Variants in MAPK6 observed in about 807,000 individuals in gnomAD.
MAPK6 encodes ERK-3.
MAPK6 carries 19 observed loss-of-function variants against 59.3 expected under a neutral mutation model. That is an observed-to-expected ratio of 0.32 (90% CI 0.22 to 0.47). The LOEUF (loss-of-function observed/expected upper bound fraction) is 0.47, where lower values mean the gene tolerates loss of function less well. MAPK6 is among the 20% of genes least tolerant of loss of function. The pLI is 1.00. For missense variants in MAPK6, 724 were observed against 847.9 expected, an observed-to-expected ratio of 0.85 and a Z score of 1.81; for synonymous variants, 316 against 290.3, an observed-to-expected ratio of 1.09 and a Z score of -0.90.
At chr15:51,975,269 G>A (rs1303393098) in intron 1 of MAPK6, among the ~76,000 whole-genome samples, 3 of 151,692 alleles carry the variant, frequency 2.0e-5, no homozygotes, top group Non-Finnish European at 4.4e-5. Context: ...CAGGCCGGGC[G>A]CGGTGGCTCA....
intron 2 of MAPK6, among the ~76,000 whole-genome samples, chr15:51,992,877 C>G (rs2057214130): frequency 6.6e-6 from 1 of 152,102 alleles, no homozygotes; most frequent in African/African-American, 2.4e-5. Context: ...CATGCCGCCT[C>G]TGGGAGCACC....
chr15:52,064,430 A>T lies in MAPK6; in HGVS notation c.1596A>T (p.Ala532=). The T allele has an allele frequency of 1.2e-6, 2 of 1,611,794 alleles. No individual in the cohort carries two copies. Among genetic ancestry groups the T allele is most frequent in the South Asian group, 2.2e-5 (2 of 90,966 alleles). Residue 532 remains alanine (A), a synonymous_variant, in exon 6 of 6, where the codon GCA becomes GCT. Transcript: ENST00000261845. ...NQGFDFDSFI[A]GTIQLSSQHE... is the part of the protein sequence containing the mutation. ...GATTTGATTTTGATTCCTTTATTGC[A>T]GGAACTATTCAGCTTAGTTCCCAGC...
chr15:51,981,728 C>T (rs1342482337), intron 1 of MAPK6, among the ~76,000 whole-genome samples: 3 of 151,982 alleles, frequency 2.0e-5, no homozygotes, highest in African/African-American at 2.4e-5. Context: ...ATGAGGTCAG[C>T]GTACTCAACA....
intron 1 of MAPK6, among the ~76,000 whole-genome samples, chr15:51,978,483 G>A (rs12592087): frequency 6.6e-6 from 1 of 151,786 alleles, no homozygotes; most frequent in Non-Finnish European, 1.5e-5. Flanking sequence ...CCCAGCAGGG[G>A]CTGACCAGCA....
intron 3 of MAPK6, among the ~76,000 whole-genome samples, chr15:52,053,969 C>A (rs2031872776): frequency 6.6e-6 from 1 of 151,850 alleles, no homozygotes; most frequent in African/African-American, 2.4e-5. Context: ...AGTCCAGTTA[C>A]CTTTTTCTTT....
intron 1 of MAPK6, chr15:51,971,919 T>C: frequency 1.5e-6 from 1 of 649,884 alleles, no homozygotes; most frequent in Non-Finnish European, 2.7e-6. Flanking sequence ...ATGCATGGTA[T>C]ATAAGCCCGG....
intron 3 of MAPK6, among the ~76,000 whole-genome samples, chr15:52,051,560 T>A (rs953182671): frequency 6.6e-6 from 1 of 152,236 alleles, no homozygotes; most frequent in African/African-American, 2.4e-5. Flanking sequence ...CAGCTCTTTA[T>A]AATTTTTTTC....
Position 52,063,967 on chromosome 15 carries a change from T to C in MAPK6, c.1133T>C (p.Val378Ala), listed in dbSNP as rs1293290049. The C allele has an allele frequency of 1.2e-6, 2 of 1,609,620 alleles. No homozygotes were observed. The highest frequency in any genetic ancestry group is 1.7e-6 in the Non-Finnish European group (2 of 1,177,920). The change falls in exon 6 of 6, where the codon GTT (valine) becomes GCT (alanine). Residue 378 changes from valine to alanine, a missense_variant. Physicochemically the swap from Val to Ala is moderately conservative, Grantham distance 64. Transcript: ENST00000261845. ...PVHNNFDIDE[V>A]QLDPRALSDV... ...CATAACAACTTTGATATTGATGAAG[T>C]TCAGCTTGATCCAAGAGCTCTGTCC...
chr15:52,048,155 A>G (rs1431168643), intron 2 of MAPK6, among the ~76,000 whole-genome samples: 1 of 151,836 alleles, frequency 6.6e-6, no homozygotes, highest in Non-Finnish European at 1.5e-5. Flanking sequence ...ATTTTTATTT[A>G]TTTATTTTTT....
intron 1 of MAPK6, among the ~76,000 whole-genome samples, chr15:52,038,029 C>T (rs570593209): frequency 2.0e-5 from 3 of 150,322 alleles, no homozygotes; most frequent in Non-Finnish European, 4.4e-5. Context: ...GGGAGGATGG[C>T]AAAAGAAAAG....
At chr15:52,054,657 A>AT (rs2031898431) in intron 3 of MAPK6, among the ~76,000 whole-genome samples, 2 of 151,352 alleles carry the variant, frequency 1.3e-5, no homozygotes, top group Non-Finnish European at 2.9e-5. Context: ...TATCAAAAGA[A>AT]TTTTTGGACC....
intron 3 of MAPK6, among the ~76,000 whole-genome samples, chr15:52,052,152 G>T (rs1374798111): frequency 1.3e-5 from 2 of 152,168 alleles, no homozygotes; most frequent in Non-Finnish European, 2.9e-5. Context: ...TAGCTGGGTG[G>T]TTCTAGCTTA....
At chr15:52,059,279 C>A (rs2032103228) in intron 4 of MAPK6, among the ~76,000 whole-genome samples, 1 of 152,120 alleles carries the variant, frequency 6.6e-6, no homozygotes, top group Non-Finnish European at 1.5e-5. Context: ...TAAATGAGTC[C>A]TCTGTGGGAA....
At chr15:52,033,108 C>A (rs1262579674) in intron 1 of MAPK6, among the ~76,000 whole-genome samples, 1 of 152,204 alleles carries the variant, frequency 6.6e-6, no homozygotes, top group Non-Finnish European at 1.5e-5. Context: ...CGGCACCTGG[C>A]ATCTTTCTAC....
At chr15:52,062,818 A>G (rs2032256505) in intron 5 of MAPK6, among the ~76,000 whole-genome samples, 1 of 148,328 alleles carries the variant, frequency 6.7e-6, no homozygotes. Context: ...TCTGCTTCAG[A>G]GTAGGATGGT....
intron 2 of MAPK6, among the ~76,000 whole-genome samples, chr15:51,984,124 G>C (rs142420020): frequency 6.6e-6 from 1 of 151,898 alleles, no homozygotes; most frequent in East Asian, 1.9e-4. Context: ...CATCAATAGA[G>C]AATTGTTCAA....
upstream of MAPK6, among the ~76,000 whole-genome samples, chr15:52,016,411 C>CA (rs1363313070): frequency 6.6e-6 from 1 of 151,418 alleles, no homozygotes; most frequent in African/African-American, 2.4e-5. Flanking sequence ...AAAAAAACAC[C>CA]AAAAAAACTA....
chr15:52,003,611 G>C (rs1595964061), intron 2 of MAPK6, among the ~76,000 whole-genome samples: 1 of 152,208 alleles, frequency 6.6e-6, no homozygotes, highest in Non-Finnish European at 1.5e-5. Context: ...GTCAGCAATT[G>C]ACTCTCAAAT....
At chr15:51,981,921 A>G (rs1172027556) in intron 1 of MAPK6, among the ~76,000 whole-genome samples, 1 of 152,226 alleles carries the variant, frequency 6.6e-6, no homozygotes, top group East Asian at 1.9e-4. Context: ...AAAAAAATAG[A>G]TTAAGAATAC....
Sources: gnomAD v4.1 joint callset for allele counts (sites outside exome capture counted in the v4.1 genomes callset) on GRCh38, gnomAD v4.1.1 for gene constraint, MANE v1.5 for transcripts, NCBI Gene and HGNC (gene_info 2026-07-23, HGNC 2026-07-21) for gene names.